Variants in CSMD1 observed in about 807,000 individuals in gnomAD.
CSMD1 encodes the protein CUB and Sushi multiple domains 1.
A neutral mutation model predicts 417.5 loss-of-function variants in CSMD1; 213 were observed. That is an observed-to-expected ratio of 0.51 (90% CI 0.46 to 0.57). The LOEUF is 0.57. CSMD1 is among the 20% of genes least tolerant of loss of function. The pLI, the probability that CSMD1 is intolerant of heterozygous loss-of-function variation, is 0.00. For synonymous variants in CSMD1, 2,862 were observed against 1,736.8 expected, an observed-to-expected ratio of 1.65 and a Z score of -16.11; for missense variants, 6,923 against 4,529.7, an observed-to-expected ratio of 1.53 and a Z score of -15.17.
At chr8:4,485,386 G>A (rs924753449) in intron 2 of CSMD1, among the ~76,000 whole-genome samples, 3 of 152,116 alleles carry the variant, frequency 2.0e-5, no homozygotes, top group Non-Finnish European at 4.4e-5. Flanking sequence ...TGAAACCATT[G>A]CCCTACAGAC....
intron 1 of CSMD1, among the ~76,000 whole-genome samples, chr8:4,903,139 T>C (rs1286314204): frequency 2.0e-5 from 3 of 152,192 alleles, no homozygotes; most frequent in Non-Finnish European, 1.5e-5. Context: ...CTTTGTACTC[T>C]TATTTAATCT....
intron 3 of CSMD1, among the ~76,000 whole-genome samples, chr8:4,104,730 A>G (rs1013119123): frequency 6.6e-6 from 1 of 152,236 alleles, no homozygotes; most frequent in African/African-American, 2.4e-5. Flanking sequence ...AAGAGGAACT[A>G]GGTCAGAGCC....
At chr8:4,151,434 T>C (rs746027401) in intron 3 of CSMD1, among the ~76,000 whole-genome samples, 12 of 152,210 alleles carry the variant, frequency 7.9e-5, no homozygotes, top group African/African-American at 2.7e-4. Context: ...TCTGAGACAT[T>C]TGTAATTGCA....
At chr8:4,611,194 T>C (rs755837839) in intron 2 of CSMD1, among the ~76,000 whole-genome samples, 1 of 152,188 alleles carries the variant, frequency 6.6e-6, no homozygotes, top group African/African-American at 2.4e-5. Context: ...TGGGCGAGTG[T>C]ATACACAGTT....
chr8:4,269,964 G>A (rs997250329), intron 3 of CSMD1, among the ~76,000 whole-genome samples: 1 of 152,178 alleles, frequency 6.6e-6, no homozygotes, highest in Admixed American at 6.5e-5. Flanking sequence ...ACCTCTCTGA[G>A]GCACAGCAAA....
intron 4 of CSMD1, among the ~76,000 whole-genome samples, chr8:4,001,780 C>A (rs1383884380): frequency 1.3e-5 from 2 of 151,772 alleles, no homozygotes; most frequent in Admixed American, 6.6e-5. Flanking sequence ...CTGACTGCAA[C>A]AGACAAGTGG....
chr8:4,954,844 T>G (rs570756527), intron 1 of CSMD1, among the ~76,000 whole-genome samples: 131 of 152,334 alleles, frequency 8.6e-4, no homozygotes, highest in African/African-American at 3.0e-3. Flanking sequence ...CTTTTGGTGT[T>G]GACAAGATTA....
rs10622416 is a variant in CSMD1, at chr8:4,964,502, CAAAA to C, written c.85+29826_85+29829del. On this transcript the variant is annotated intron_variant, in intron 1 of 69. Coordinates refer to ENST00000635120, the MANE Select transcript of CSMD1 (RefSeq NM_033225.6). Reference sequence around the variant, plus strand: ...TCACAACACAGCAAGACCCTGTCTCCAAAAAAAAAAAAAAAAAAAAAAAGGAAGG... The same window carrying C: ...TCACAACACAGCAAGACCCTGTCTCCAAAAAAAAAAAAAAAAAAAGGAAGG... 2.8e-5 allele frequency among the ~76,000 whole-genome samples: 3 copies of C among 105,976 alleles called. No homozygotes were observed. The East Asian group carries it at 9.4e-4, about 33-fold the overall frequency. The allele number at this position is 105,976 out of a possible 152,430, so 69.5% of individuals were successfully genotyped here. A position where few individuals can be genotyped will look rare whatever the true frequency, so the allele number is the denominator to read the frequency against.
chr8:4,094,579 G>C (rs528499711), intron 3 of CSMD1, among the ~76,000 whole-genome samples: 1 of 152,258 alleles, frequency 6.6e-6, no homozygotes, highest in Non-Finnish European at 1.5e-5. Flanking sequence ...AAATAGTAAT[G>C]GAGCACCGTG....
intron 57 of CSMD1, among the ~76,000 whole-genome samples, chr8:2,972,644 T>G (rs1804558835): frequency 6.6e-6 from 1 of 152,272 alleles, no homozygotes; most frequent in Middle Eastern, 3.4e-3. Flanking sequence ...CACTCCAAAA[T>G]AGTTCATAGA....
intron 1 of CSMD1, among the ~76,000 whole-genome samples, chr8:4,641,334 A>G (rs1340599985): frequency 1.3e-5 from 2 of 152,104 alleles, no homozygotes; most frequent in Non-Finnish European, 2.9e-5. Context: ...TAATCAGCAG[A>G]ATGTTAGATA....
chr8:4,919,310 G>C (rs946385161), intron 1 of CSMD1, among the ~76,000 whole-genome samples: 1 of 152,162 alleles, frequency 6.6e-6, no homozygotes, highest in African/African-American at 2.4e-5. Context: ...CCACGGGTTA[G>C]ATGTAAATGT....
chr8:4,236,460 C>T (rs1158162352), intron 3 of CSMD1, among the ~76,000 whole-genome samples: 1 of 152,066 alleles, frequency 6.6e-6, no homozygotes, highest in East Asian at 1.9e-4. Flanking sequence ...CATTTAACAA[C>T]AAACACAACT....
chr8:4,211,542 C>A (rs764158416), intron 3 of CSMD1, among the ~76,000 whole-genome samples: 18 of 152,102 alleles, frequency 1.2e-4, no homozygotes, highest in Non-Finnish European at 1.9e-4. Context: ...TACTTTTGAG[C>A]ATTCCAAGAA....
chr8:4,188,129 G>C, intron 3 of CSMD1, among the ~76,000 whole-genome samples: 1 of 152,108 alleles, frequency 6.6e-6, no homozygotes, highest in Non-Finnish European at 1.5e-5. Context: ...TAGGTTTTAA[G>C]GTACTGCCAC....
At chr8:4,076,515 A>T (rs1161969117) in intron 3 of CSMD1, among the ~76,000 whole-genome samples, 1 of 152,224 alleles carries the variant, frequency 6.6e-6, no homozygotes, top group East Asian at 1.9e-4. Context: ...AGTATATATG[A>T]ACAAATAGAG....
At chr8:3,886,470 G>C (rs1806570856) in intron 5 of CSMD1, among the ~76,000 whole-genome samples, 1 of 152,292 alleles carries the variant, frequency 6.6e-6, no homozygotes, top group South Asian at 2.1e-4. Context: ...AAATATTTTG[G>C]TTTTGTCAGC....
At chr8:3,196,659 G>T (rs9785103) in intron 33 of CSMD1, among the ~76,000 whole-genome samples, 100,023 of 151,972 alleles carry the variant, frequency 0.66, 34,219 homozygotes, top group Non-Finnish European at 0.76. Flanking sequence ...CTGATTCAGA[G>T]GGGGGTGAAA....
At chr8:3,402,188 C>G (rs1372077083) in intron 15 of CSMD1, among the ~76,000 whole-genome samples, 1 of 152,136 alleles carries the variant, frequency 6.6e-6, no homozygotes, top group African/African-American at 2.4e-5. Context: ...CTAAGGTTCT[C>G]TAGACTTGAA....
Sources: allele counts gnomAD v4.1 joint callset (sites outside exome capture counted in the v4.1 genomes callset), GRCh38; gene constraint gnomAD v4.1.1; transcripts MANE v1.5; gene names NCBI Gene and HGNC (gene_info 2026-07-23, HGNC 2026-07-21).